The following NRXN3 variants were observed in gnomAD, a reference collection of about 807,000 sequenced individuals.
The protein encoded by NRXN3 is neurexin 3.
In NRXN3, 32 loss-of-function variants were observed where a neutral mutation model predicts 137.6. That is an observed-to-expected ratio of 0.23 (90% CI 0.18 to 0.31). NRXN3 has a LOEUF of 0.31. Among genes scored for constraint, NRXN3 ranks in the 10% least tolerant of loss-of-function variants. The probability of loss-of-function intolerance (pLI) is 1.00; values close to 1 mark genes in which losing one functional copy is unlikely to be tolerated. For synonymous variants in NRXN3, 798 were observed against 784.5 expected (o/e 1.02, Z -0.29); for missense variants, 1,574 against 2,062.5 (o/e 0.76, Z 4.59).
intron 16 of NRXN3, among the ~76,000 whole-genome samples, chr14:79,630,883 G>A (rs2098337788): frequency 6.6e-6 from 1 of 152,164 alleles, no homozygotes; most frequent in Non-Finnish European, 1.5e-5. Flanking sequence ...GATACATTTA[G>A]GTCTGAGAAT....
chr14:79,259,477 G>A (rs1431619091), intron 15 of NRXN3, among the ~76,000 whole-genome samples: 7 of 151,112 alleles, frequency 4.6e-5, no homozygotes, highest in South Asian at 2.1e-4. Context: ...GAACGTCAAC[G>A]TGGTTGTAGC....
intron 15 of NRXN3, among the ~76,000 whole-genome samples, chr14:79,084,719 G>A (rs1451791754): frequency 6.6e-6 from 1 of 151,942 alleles, no homozygotes; most frequent in East Asian, 1.9e-4. Context: ...TCTTATTTTT[G>A]TTATTTCTCC....
chr14:78,265,057 C>T (rs2071463350), intron 2 of NRXN3, among the ~76,000 whole-genome samples: 1 of 152,206 alleles, frequency 6.6e-6, no homozygotes, highest in African/African-American at 2.4e-5. Context: ...TGGCTACTTG[C>T]TTTTCTTTCC....
intron 15 of NRXN3, among the ~76,000 whole-genome samples, chr14:79,170,379 G>C (rs570028824): frequency 1.3e-5 from 2 of 152,058 alleles, no homozygotes; most frequent in Non-Finnish European, 2.9e-5. Context: ...TAGAATTCTA[G>C]AACTCCAAGT....
chr14:79,107,953 A>C (rs778193958), intron 15 of NRXN3, among the ~76,000 whole-genome samples: 1 of 152,170 alleles, frequency 6.6e-6, no homozygotes, highest in Admixed American at 6.5e-5. Flanking sequence ...AAAGGAAATG[A>C]TTAAATATGG....
At chr14:79,201,405 T>C in intron 15 of NRXN3, 1 of 152,342 alleles carries the variant, frequency 6.6e-6, no homozygotes, top group East Asian at 1.9e-4. Context: ...AGCAATATTA[T>C]TTTTAAAAGG....
chr14:79,717,054 T>C (rs2098826141), intron 19 of NRXN3, among the ~76,000 whole-genome samples: 1 of 152,208 alleles, frequency 6.6e-6, no homozygotes, highest in Non-Finnish European at 1.5e-5. Context: ...CAAGGCTCTT[T>C]TTCCTTTTTA....
intron 15 of NRXN3, among the ~76,000 whole-genome samples, chr14:79,274,344 A>G (rs766818451): frequency 5.3e-5 from 8 of 152,314 alleles, no homozygotes; most frequent in Admixed American, 3.3e-4. Context: ...AAAAAAATAA[A>G]AAGTATTCTC....
At chr14:78,339,097 A>G (rs907768476) in intron 4 of NRXN3, among the ~76,000 whole-genome samples, 8 of 152,324 alleles carry the variant, frequency 5.3e-5, no homozygotes, top group Admixed American at 1.3e-4. Flanking sequence ...ATAAGGGCAA[A>G]TAGACTATTT....
At chr14:78,984,154 A>G (rs555807546) in intron 14 of NRXN3, among the ~76,000 whole-genome samples, 1 of 152,310 alleles carries the variant, frequency 6.6e-6, no homozygotes, top group Admixed American at 6.5e-5. Context: ...TCTATTGCAT[A>G]GAATGGTGAC....
At position 79,084,084 on chromosome 14, in the gene NRXN3, AT is replaced by A. The variant is rs200238022; in HGVS notation, c.3262+95954del. Among the ~76,000 whole-genome samples the A allele has an allele frequency of 7.9e-5, 12 of 151,414 alleles. 1 individual carries two copies. The South Asian group carries it at 1.0e-3, about 13-fold the overall frequency. The stretch of plus-strand genomic sequence containing the variant: ...ACCACCATGCCTGGTTAATTTATTT[AT>A]TTTTTTTTTTGTAGAGATGGGGGCC... On this transcript the variant is annotated intron_variant, in intron 15 of 20. Coordinates refer to ENST00000335750, the MANE Select transcript of NRXN3 (RefSeq NM_001330195.2).
chr14:78,278,693 G>A (rs1285137938), intron 3 of NRXN3, 31 bp downstream of exon 3: 2 of 1,528,876 alleles, frequency 1.3e-6, no homozygotes, highest in East Asian at 4.9e-5. Context: ...AGCTGCTGTG[G>A]GAATTTCCCC....
intron 6 of NRXN3, among the ~76,000 whole-genome samples, chr14:78,673,664 CCTT>C (rs1311393758): frequency 6.6e-6 from 1 of 152,126 alleles, no homozygotes; most frequent in African/African-American, 2.4e-5. Context: ...CTGCAGATGG[CCTT>C]CTTTTTGTAT....
intron 15 of NRXN3, chr14:79,248,908 G>A (rs2075571722): frequency 6.6e-6 from 1 of 152,288 alleles, no homozygotes; most frequent in South Asian, 2.1e-4. Context: ...TGCAGGTGGG[G>A]TCATGTAACT....
At chr14:78,840,411 A>G (rs967231647) in intron 10 of NRXN3, among the ~76,000 whole-genome samples, 3 of 152,220 alleles carry the variant, frequency 2.0e-5, no homozygotes, top group Non-Finnish European at 2.9e-5. Context: ...ATAAAAACTG[A>G]AAGCATTTAT....
intron 16 of NRXN3, among the ~76,000 whole-genome samples, chr14:79,520,912 A>T (rs2097057990): frequency 6.6e-6 from 1 of 152,210 alleles, no homozygotes; most frequent in East Asian, 1.9e-4. Context: ...CAATGCCATT[A>T]CTGGGTATAT....
chr14:78,947,055 C>T (rs1201012008), intron 10 of NRXN3, among the ~76,000 whole-genome samples: 1 of 152,168 alleles, frequency 6.6e-6, no homozygotes, highest in Non-Finnish European at 1.5e-5. Flanking sequence ...CAAATCTCAT[C>T]ATCTTAGTTA....
At chr14:78,879,643 C>T (rs1051183962) in intron 10 of NRXN3, among the ~76,000 whole-genome samples, 78 of 152,122 alleles carry the variant, frequency 5.1e-4, no homozygotes, top group Admixed American at 1.4e-3. Flanking sequence ...CATAGAATGA[C>T]GCATTTTAAG....
intron 10 of NRXN3, among the ~76,000 whole-genome samples, chr14:78,828,471 C>T (rs1191543629): frequency 1.3e-5 from 2 of 152,120 alleles, no homozygotes; most frequent in Non-Finnish European, 2.9e-5. Flanking sequence ...GCCATATAGC[C>T]CTGTCACAAC....
Sources: allele counts gnomAD v4.1 joint callset (sites outside exome capture counted in the v4.1 genomes callset), GRCh38; gene constraint gnomAD v4.1.1; transcripts MANE v1.5; gene names NCBI Gene and HGNC (gene_info 2026-07-23, HGNC 2026-07-21).